The following SLC39A11 variants were observed in gnomAD, a reference collection of about 807,000 sequenced individuals.
The protein encoded by SLC39A11 is zinc transporter ZIP11.
SLC39A11 carries 33 observed loss-of-function variants against 36.1 expected under a neutral mutation model. The observed-to-expected ratio is 0.91, with a 90% CI of 0.69 to 1.22. SLC39A11 has a LOEUF of 1.22. Ranked by LOEUF, SLC39A11 falls within the 50% of genes most tolerant of loss-of-function variation. The probability of loss-of-function intolerance (pLI) is 0.00; values close to 1 mark genes in which losing one functional copy is unlikely to be tolerated. For synonymous variants in SLC39A11, 166 were observed against 170.3 expected (o/e 0.97, Z 0.20); for missense variants, 432 against 430.3 (o/e 1.00, Z -0.03).
intron 6 of SLC39A11, among the ~76,000 whole-genome samples, chr17:72,776,610 GAAAAAAA>G (rs34044701): frequency 8.3e-6 from 1 of 119,856 alleles, no homozygotes; most frequent in Non-Finnish European, 1.7e-5. Context: ...ACTTTGCATG[GAAAAAAA>G]AAAAAAAAAA....
chr17:72,921,318 C>T (rs1044901881), intron 5 of SLC39A11, among the ~76,000 whole-genome samples: 5 of 152,180 alleles, frequency 3.3e-5, no homozygotes, highest in South Asian at 2.1e-4. Flanking sequence ...GGGGGATCAA[C>T]TGGTGATACT....
At chr17:72,829,982 G>A (rs2078211017) in intron 6 of SLC39A11, among the ~76,000 whole-genome samples, 1 of 152,132 alleles carries the variant, frequency 6.6e-6, no homozygotes, top group African/African-American at 2.4e-5. Context: ...AGAGAAACAG[G>A]TCAGAGGGCT....
At chr17:73,088,604 C>T (rs1462183533) in intron 2 of SLC39A11, 53 bp downstream of exon 2, 1 of 1,441,026 alleles carries the variant, frequency 6.9e-7, no homozygotes, top group Non-Finnish European at 9.6e-7. Context: ...GGACAGTGCC[C>T]CTTTACCAAC....
chr17:72,892,027 A>T (rs537210577), intron 5 of SLC39A11, among the ~76,000 whole-genome samples: 1 of 133,094 alleles, frequency 7.5e-6, no homozygotes, highest in East Asian at 3.4e-4. Flanking sequence ...CAAGGTAGAG[A>T]TAAGACTATT....
intron 5 of SLC39A11, among the ~76,000 whole-genome samples, chr17:72,909,730 CTTTCTTTTT>C (rs1448437895): frequency 1.4e-5 from 2 of 144,876 alleles, no homozygotes; most frequent in East Asian, 3.9e-4. Flanking sequence ...AACTGTCTTT[CTTTCTTTTT>C]TTTCTTTTTT....
At chr17:72,713,275 G>A (rs2073192636) in intron 7 of SLC39A11, among the ~76,000 whole-genome samples, 2 of 152,130 alleles carry the variant, frequency 1.3e-5, no homozygotes, top group South Asian at 2.1e-4. Context: ...ACTGGGTAAC[G>A]AGGTGGGAGC....
chr17:72,954,843 A>G (rs1226320890), intron 4 of SLC39A11, among the ~76,000 whole-genome samples: 1 of 152,172 alleles, frequency 6.6e-6, no homozygotes, highest in Admixed American at 6.5e-5. Flanking sequence ...AAACAGGGAC[A>G]CAGAGTGGCA....
chr17:73,050,323 C>CA (rs70938142), intron 3 of SLC39A11, among the ~76,000 whole-genome samples: 57,508 of 98,756 alleles, frequency 0.58, 17,168 homozygotes, highest in Non-Finnish European at 0.66. Flanking sequence ...CTGTTTGTGG[C>CA]AAAAAAAAAA....
intron 5 of SLC39A11, among the ~76,000 whole-genome samples, chr17:72,928,069 G>A (rs2147369660): frequency 6.6e-6 from 1 of 152,292 alleles, no homozygotes; most frequent in South Asian, 2.1e-4. Flanking sequence ...TTCCTACAAA[G>A]AGGAGGATCC....
chr17:72,871,056 G>GTTTTTTTTTTTTTTTTTTT (rs34776144), intron 5 of SLC39A11, among the ~76,000 whole-genome samples: 1 of 124,314 alleles, frequency 8.0e-6, no homozygotes, highest in Admixed American at 8.0e-5. Flanking sequence ...TTTTGTTTTT[G>GTTTTTTTTTTTTTTTTTTT]TTTTTTTTTT....
intron 5 of SLC39A11, among the ~76,000 whole-genome samples, chr17:72,939,452 C>T (rs1417977495): frequency 1.7e-5 from 1 of 58,298 alleles, no homozygotes; most frequent in African/African-American, 5.2e-5. Context: ...AGTAAGGTTC[C>T]GTCTCGAAAA....
intron 4 of SLC39A11, among the ~76,000 whole-genome samples, chr17:73,004,222 A>AGAAAG (rs1555674199): frequency 8.1e-4 from 74 of 91,234 alleles, no homozygotes; most frequent in African/African-American, 1.4e-3. Context: ...AAAGAAAGAA[A>AGAAAG]GAAAGAAAGA....
intron 5 of SLC39A11, among the ~76,000 whole-genome samples, chr17:72,931,813 C>A (rs2084415940): frequency 6.6e-6 from 1 of 152,178 alleles, no homozygotes; most frequent in Admixed American, 6.5e-5. Flanking sequence ...CTTACGACTT[C>A]AGCTTTCATT....
At chr17:72,932,976 G>C (rs1248121107) in intron 5 of SLC39A11, among the ~76,000 whole-genome samples, 1 of 152,082 alleles carries the variant, frequency 6.6e-6, no homozygotes. Context: ...AAACCTACAG[G>C]TAACATCACA....
At chr17:72,913,764 T>C (rs1292792707) in intron 5 of SLC39A11, among the ~76,000 whole-genome samples, 1 of 136,796 alleles carries the variant, frequency 7.3e-6, no homozygotes, top group Admixed American at 8.0e-5. Context: ...ACTTCTTTTA[T>C]CAGAGAACCA....
intron 5 of SLC39A11, among the ~76,000 whole-genome samples, chr17:72,937,017 C>A (rs888578233): frequency 6.6e-6 from 1 of 152,206 alleles, no homozygotes; most frequent in Non-Finnish European, 1.5e-5. Context: ...GGGTTGGGGA[C>A]CCTTGCGGTA....
chr17:72,942,061 A>ATT lies in SLC39A11; in HGVS notation c.430+5689_430+5690dup, dbSNP rs11396369. ...ACGCCTGGCTAATTTTTGTATTATT[A>ATT]TTATTTTTTTTTTAGTAGAGACAGG... On this transcript the variant is annotated intron_variant, in intron 5 of 9. Coordinates refer to ENST00000255559, the MANE Select transcript of SLC39A11 (RefSeq NM_139177.4). 8.6e-4 allele frequency among the ~76,000 whole-genome samples: 126 copies of ATT among 147,344 alleles called. No individual in the cohort carries two copies. In the East Asian group the frequency reaches 0.013, roughly 15 times the overall value.
At chr17:73,046,976 A>G (rs1470888652) in intron 3 of SLC39A11, among the ~76,000 whole-genome samples, 2 of 152,058 alleles carry the variant, frequency 1.3e-5, no homozygotes, top group African/African-American at 4.8e-5. Flanking sequence ...AACGAAAGGT[A>G]ATGTAGCCTA....
At chr17:72,669,147 TTTTG>T (rs1402853559) in intron 7 of SLC39A11, among the ~76,000 whole-genome samples, 1 of 152,196 alleles carries the variant, frequency 6.6e-6, no homozygotes, top group African/African-American at 2.4e-5. Context: ...CAGGAGAATG[TTTTG>T]TTTTTGTTTT....
Sources: allele counts gnomAD v4.1 joint callset (sites outside exome capture counted in the v4.1 genomes callset), GRCh38; gene constraint gnomAD v4.1.1; transcripts MANE v1.5; gene names NCBI Gene and HGNC (gene_info 2026-07-23, HGNC 2026-07-21).